RCCD1: variants seen among roughly 807,000 people sequenced by gnomAD.
The protein encoded by RCCD1 is RCC1 domain containing 1.
In RCCD1, 40 loss-of-function variants were observed where a neutral mutation model predicts 37.6. That is an observed-to-expected ratio of 1.06 (90% CI 0.83 to 1.39). RCCD1 has a LOEUF of 1.39. Ranked by LOEUF, RCCD1 falls within the 40% of genes most tolerant of loss-of-function variation. The pLI is 0.00. For synonymous variants in RCCD1, 263 were observed against 230.0 expected (o/e 1.14, Z -1.30); for missense variants, 577 against 517.3 (o/e 1.12, Z -1.12).
intron 4 of RCCD1, chr15:90,959,620 G>T: frequency 8.3e-6 from 2 of 242,236 alleles, no homozygotes; most frequent in Non-Finnish European, 1.6e-5. Flanking sequence ...GACCACTGCG[G>T]TACTTCTAGG....
In RCCD1 at chr15:90,957,413, C is replaced by CGGAGCTGCGGGCACGCCAGCT; in HGVS notation, c.475_495dup (p.Arg159_Leu165dup). 1 of 1,540,442 alleles carries CGGAGCTGCGGGCACGCCAGCT rather than the reference C, an allele frequency of 6.5e-7. No homozygotes were observed. The highest frequency in any genetic ancestry group is 8.7e-7 in the Non-Finnish European group (1 of 1,145,740). ...GCGCCCTTCTACCGGCCTCTGGCTCCGGAGCTGCGGGCACGCCAGCTGGAG... is the reference window on the plus strand; with the variant it reads ...GCGCCCTTCTACCGGCCTCTGGCTCCGGAGCTGCGGGCACGCCAGCTGGAGCTGCGGGCACGCCAGCTGGAG... On this transcript the variant is annotated inframe_insertion, in exon 3 of 8. Coordinates refer to ENST00000394258, the MANE Select transcript of RCCD1 (RefSeq NM_001017919.2).
Position 90,961,809 on chromosome 15 carries a change from C to T in RCCD1, c.*40C>T. On this transcript the variant is annotated 3_prime_UTR_variant, in exon 8 of 8. Coordinates refer to ENST00000394258, the MANE Select transcript of RCCD1 (RefSeq NM_001017919.2). ...TGTATATGCAACACCTGTGAGACCC[C>T]CATTCAGGTCAAGGAAAACCATTGC... is the stretch of plus-strand genomic sequence containing the variant. 1 of 1,585,974 alleles carries T rather than the reference C, an allele frequency of 6.3e-7. No individual in the cohort carries two copies. The highest frequency in any genetic ancestry group is 8.6e-7 in the Non-Finnish European group (1 of 1,163,050).
chr15:90,961,160 G>A (rs1039672187), intron 7 of RCCD1, 106 bp downstream of exon 7: 48 of 1,137,540 alleles, frequency 4.2e-5, no homozygotes, highest in Middle Eastern at 5.7e-4. Flanking sequence ...CAGGGGCCTC[G>A]GCCAGGTCAC....
Position 90,956,254 on chromosome 15 carries a change from C to G in RCCD1, c.-123-358C>G, listed in dbSNP as rs370494463. Among the ~76,000 whole-genome samples, 70 of 152,300 alleles carry G rather than the reference C, an allele frequency of 4.6e-4. 1 individual carries two copies. In the South Asian group the frequency reaches 0.01, roughly 23 times the overall value. ...CCTGATTTCAGCGCTCTGCCCCTCTCTGTCTGGCTGTATGAGTGTGTAAGG... is the reference window on the plus strand; with the variant it reads ...CCTGATTTCAGCGCTCTGCCCCTCTGTGTCTGGCTGTATGAGTGTGTAAGG... On this transcript the variant is annotated intron_variant, in intron 1 of 7. Transcript: ENST00000394258.
intron 6 of RCCD1, chr15:90,960,790 T>C (rs1161744120): frequency 1.6e-6 from 1 of 643,726 alleles, no homozygotes; most frequent in Non-Finnish European, 2.8e-6. Context: ...CAGTCTGGCA[T>C]GGAAGACTGC....
Position 90,957,256 on chromosome 15 carries a change from G to A in RCCD1, c.310G>A (p.Ala104Thr). Reference protein sequence around the residue: ...ALLQVWAAESALRGEPLWAQN... With the variant: ...ALLQVWAAESTLRGEPLWAQN... ...ACTGCAGGTCTGGGCGGCCGAATCG[G>A]CGCTGCGTGGGGAGCCATTGTGGGC... The change falls in exon 3 of 8, where the codon GCG becomes ACG. Residue 104 changes from alanine (A) to threonine (T), a missense_variant. Coordinates refer to ENST00000394258, the MANE Select transcript of RCCD1 (RefSeq NM_001017919.2). 1 of 1,485,026 alleles carries A rather than the reference G, an allele frequency of 6.7e-7. No homozygotes were observed. Among genetic ancestry groups the A allele is most frequent in the Non-Finnish European group, 9.0e-7 (1 of 1,113,680 alleles). 92.0% of individuals were successfully genotyped at this position (1,485,026 alleles called of 1,614,324 possible).
intron 4 of RCCD1, among the ~76,000 whole-genome samples, chr15:90,959,078 C>T (rs749325721): frequency 2.0e-4 from 30 of 152,222 alleles, no homozygotes; most frequent in Admixed American, 7.8e-4. Context: ...GGCTGAAGCA[C>T]GGACACATCC....
intron 2 of RCCD1, 54 bp from the exon 3 acceptor site, chr15:90,957,059 C>T (rs1460594379): frequency 2.3e-6 from 3 of 1,301,748 alleles, no homozygotes; most frequent in South Asian, 2.3e-5. Flanking sequence ...ACACCCCGCT[C>T]CCCCCATCCC....
intron 3 of RCCD1, 28 bp downstream of exon 3, chr15:90,957,531 C>A: frequency 6.3e-7 from 1 of 1,597,908 alleles, no homozygotes. Context: ...CAGGTGAGGG[C>A]TGCTGATTGG....
rs754552272 is a variant in RCCD1 at position 90,956,751 on chromosome 15, C to T, written c.17C>T (p.Pro6Leu). 2.3e-6 allele frequency: 3 copies of T among 1,323,100 alleles called. No individual in the cohort carries two copies. Among genetic ancestry groups the T allele is most frequent in the East Asian group, 2.8e-5 (1 of 35,232 alleles). The allele number at this position is 1,323,100 out of a possible 1,614,324, so 82.0% of individuals were successfully genotyped here. ...TGCTCGGGCATGGCGGAGGAGCGGC[C>T]GGGGGCCTGGTTCGGCTTCGGTTTC... is the stretch of plus-strand genomic sequence containing the variant. MAEER[P>L]GAWFGFGFCG... The change falls in exon 2 of 8, where the codon CCG becomes CTG. Residue 6 changes from proline to leucine, a missense_variant. Transcript: ENST00000394258.
chr15:90,961,849 C>G lies in RCCD1; in HGVS notation c.*80C>G. The G allele has an allele frequency of 6.9e-7, 1 of 1,448,932 alleles. No individual in the cohort carries two copies. Among genetic ancestry groups the G allele is most frequent in the South Asian group, 1.3e-5 (1 of 76,824 alleles). The allele number at this position is 1,448,932 out of a possible 1,614,324, so 89.8% of individuals were successfully genotyped here. A position where few individuals can be genotyped will look rare whatever the true frequency, so the allele number is the denominator to read the frequency against. On this transcript the variant is annotated 3_prime_UTR_variant, in exon 8 of 8. Coordinates refer to ENST00000394258, the MANE Select transcript of RCCD1 (RefSeq NM_001017919.2). ...AAAACCATTGCCTGCACCCCAAGGG[C>G]CCCATATTTGCCCCTCCCCATCACA...
At chr15:90,958,898 C>T (rs901606197) in intron 4 of RCCD1, among the ~76,000 whole-genome samples, 1 of 147,402 alleles carries the variant, frequency 6.8e-6, no homozygotes, top group African/African-American at 2.5e-5. Context: ...CACACCACTG[C>T]ACTCCAGTCT....
chr15:90,956,020 CTTTATTTGCA>C (rs2037183276), intron 1 of RCCD1: 1 of 152,204 alleles, frequency 6.6e-6, no homozygotes, highest in South Asian at 2.1e-4. Flanking sequence ...GCACCAAACC[CTTTATTTGCA>C]TTTATTACAA....
intron 6 of RCCD1, 60 bp downstream of exon 6, chr15:90,960,558 G>A: frequency 6.6e-7 from 1 of 1,520,784 alleles, no homozygotes; most frequent in Non-Finnish European, 8.8e-7. Context: ...AAGGGGGTGT[G>A]GTCGACGGAA....
At position 90,956,827 on chromosome 15, in the gene RCCD1, C is replaced by T; in HGVS notation, c.93C>T (p.Ser31=). The part of the protein sequence containing the change: ...LGSGRGRQVH[S]PSPLRAGVDI... ...CCGGACGCGGGCGCCAGGTGCACAG[C>T]CCCAGTCCGCTGCGGGCGGGCGTCG... Residue 31 remains serine (S), a synonymous_variant, in exon 2 of 8, where the codon AGC becomes AGT. Transcript: ENST00000394258. 15 of 1,303,594 alleles carry T rather than the reference C, an allele frequency of 1.2e-5. No individual in the cohort carries two copies. The highest frequency in any genetic ancestry group is 2.9e-5 in the East Asian group (1 of 34,434). The allele number at this position is 1,303,594 out of a possible 1,614,324, so 80.8% of individuals were successfully genotyped here.
chr15:90,958,582 C>G (rs1005075154), intron 4 of RCCD1, among the ~76,000 whole-genome samples: 2 of 138,718 alleles, frequency 1.4e-5, no homozygotes, highest in African/African-American at 5.5e-5. Context: ...GAGCCGAGAT[C>G]GTGCCACTGC....
Position 90,961,130 on chromosome 15 carries a change from G to GC in RCCD1, c.979+78dup, listed in dbSNP as rs1454511304. 2.1e-6 allele frequency: 3 copies of GC among 1,437,016 alleles called. No individual in the cohort carries two copies. The East Asian group carries it at 6.8e-5, about 33-fold the overall frequency. The allele number at this position is 1,437,016 out of a possible 1,614,324, so 89.0% of individuals were successfully genotyped here. A position where few individuals can be genotyped will look rare whatever the true frequency, so the allele number is the denominator to read the frequency against. On this transcript the variant is annotated intron_variant, in intron 7 of 7. Transcript: ENST00000394258. ...CTGGGAGTACAGGGCAGGTGACAAA[G>GC]CCAACAAGACTGGAGGAAGCAGGGG...
chr15:90,956,568 T>C, intron 1 of RCCD1, 44 bp from the exon 2 acceptor site: 1 of 625,574 alleles, frequency 1.6e-6, no homozygotes, highest in Non-Finnish European at 2.3e-6. Context: ...TGGCACGGAC[T>C]CTGCCTTTGT....
chr15:90,959,192 T>A (rs971954594), intron 4 of RCCD1, among the ~76,000 whole-genome samples: 2 of 152,222 alleles, frequency 1.3e-5, no homozygotes, highest in African/African-American at 4.8e-5. Flanking sequence ...GGATCCTGCG[T>A]AAATGGTGAT....
Sources: allele counts gnomAD v4.1 joint callset (sites outside exome capture counted in the v4.1 genomes callset), GRCh38; gene constraint gnomAD v4.1.1; transcripts MANE v1.5; gene names NCBI Gene and HGNC (gene_info 2026-07-23, HGNC 2026-07-21).